The following ADCY3 variants were observed in gnomAD, a reference collection of about 807,000 sequenced individuals.
The protein encoded by ADCY3 is adenylate cyclase 3, also known as adenylate cyclase type 3.
A neutral mutation model predicts 119.4 loss-of-function variants in ADCY3; 70 were observed. That is an observed-to-expected ratio of 0.59 (90% CI 0.48 to 0.72). The LOEUF is 0.72. Ranked by LOEUF, ADCY3 falls within the 30% of genes least tolerant of loss-of-function variation. The pLI is 0.00. For synonymous variants in ADCY3, 672 were observed against 621.4 expected (o/e 1.08, Z -1.21); for missense variants, 1,238 against 1,541.6 (o/e 0.80, Z 3.30).
At chr2:24,889,255 T>C (rs1368889317) in intron 2 of ADCY3, among the ~76,000 whole-genome samples, 1 of 152,208 alleles carries the variant, frequency 6.6e-6, no homozygotes, top group African/African-American at 2.4e-5. Flanking sequence ...TCTTTCTGTA[T>C]TTGAAGCAAG....
intron 2 of ADCY3, among the ~76,000 whole-genome samples, chr2:24,910,293 C>T (rs1663425806): frequency 6.6e-6 from 1 of 152,182 alleles, no homozygotes; most frequent in South Asian, 2.1e-4. Flanking sequence ...GCATCCGGGG[C>T]TCATAATCCT....
chr2:24,836,174 A>G (rs889773498), intron 9 of ADCY3, among the ~76,000 whole-genome samples: 5 of 152,200 alleles, frequency 3.3e-5, no homozygotes, highest in Admixed American at 6.5e-5. Flanking sequence ...CCTCCTTGCT[A>G]GTGAGTGCCC....
chr2:24,850,096 C>G (rs1413498005), intron 3 of ADCY3, among the ~76,000 whole-genome samples: 1 of 152,032 alleles, frequency 6.6e-6, no homozygotes, highest in African/African-American at 2.4e-5. Context: ...TTCCTCCCTC[C>G]CCACACCTTC....
chr2:24,911,476 G>A (rs565788514), intron 2 of ADCY3, among the ~76,000 whole-genome samples: 4 of 151,282 alleles, frequency 2.6e-5, no homozygotes, highest in Admixed American at 2.0e-4. Flanking sequence ...GTGAAAACCT[G>A]TCTCTACTAA....
intron 2 of ADCY3, among the ~76,000 whole-genome samples, chr2:24,882,349 C>T (rs1039519849): frequency 6.6e-6 from 1 of 152,170 alleles, no homozygotes; most frequent in African/African-American, 2.4e-5. Flanking sequence ...AGTTGGTGAG[C>T]CCTTAAAGTA....
intron 2 of ADCY3, among the ~76,000 whole-genome samples, chr2:24,893,576 T>C (rs867387173): frequency 2.8e-4 from 43 of 151,102 alleles, no homozygotes; most frequent in African/African-American, 9.8e-4. Context: ...TGGTTCTTGC[T>C]TTGTTATCCA....
At chr2:24,820,649 C>A in intron 21 of ADCY3, 75 bp downstream of exon 21, 1 of 1,588,402 alleles carries the variant, frequency 6.3e-7, no homozygotes, top group Non-Finnish European at 8.6e-7. Flanking sequence ...GAGGCAGGGG[C>A]ACGTGGGAAA....
intron 17 of ADCY3, among the ~76,000 whole-genome samples, chr2:24,823,830 G>A (rs1012354150): frequency 6.6e-6 from 1 of 151,830 alleles, no homozygotes; most frequent in African/African-American, 2.4e-5. Flanking sequence ...TAGCTGGGAC[G>A]ACAGGTGTGC....
Position 24,906,332 on chromosome 2 carries a change from A to T in ADCY3, c.675+11981T>A, listed in dbSNP as rs140254778. Among the ~76,000 whole-genome samples, 580 of 152,200 alleles carry T rather than the reference A, an allele frequency of 3.8e-3. 4 individuals are homozygous for T. The highest frequency in any genetic ancestry group is 0.013 in the African/African-American group (550 of 41,526). On this transcript the variant is annotated intron_variant, in intron 2 of 21. Transcript: ENST00000679454. The stretch of plus-strand genomic sequence containing the variant: ...AAAAAAATAAAAAGAACCACCCTAG[A>T]TTGGGCTCTTCATGGAAATAAAGAG...
intron 2 of ADCY3, among the ~76,000 whole-genome samples, chr2:24,913,775 G>A (rs1007957586): frequency 3.9e-5 from 6 of 152,188 alleles, no homozygotes; most frequent in Admixed American, 1.3e-4. Context: ...ATTTGCAGGT[G>A]TGAAAGAAAC....
intron 13 of ADCY3, among the ~76,000 whole-genome samples, chr2:24,829,380 A>C (rs1669106455): frequency 6.8e-6 from 1 of 147,288 alleles, no homozygotes; most frequent in African/African-American, 2.5e-5. Flanking sequence ...TGGCAGAATA[A>C]GTCTCCATGT....
intron 20 of ADCY3, chr2:24,821,053 C>T (rs533356189): frequency 3.2e-5 from 21 of 653,500 alleles, no homozygotes; most frequent in Non-Finnish European, 4.7e-5. Flanking sequence ...CGCCACCCCC[C>T]CCCCATATGC....
At chr2:24,828,212 G>T (rs759381730) in intron 13 of ADCY3, 51 bp from the exon 14 acceptor site, 2 of 1,599,596 alleles carry the variant, frequency 1.3e-6, no homozygotes, top group Non-Finnish European at 1.7e-6. Flanking sequence ...AACAGCAGGT[G>T]CTGGTCACAG....
chr2:24,903,729 G>A (rs1361155139), intron 2 of ADCY3, among the ~76,000 whole-genome samples: 1 of 152,168 alleles, frequency 6.6e-6, no homozygotes, highest in Non-Finnish European at 1.5e-5. Context: ...GGGTGCGGGG[G>A]CACCATGGCA....
intron 2 of ADCY3, among the ~76,000 whole-genome samples, chr2:24,890,371 T>C (rs1395408543): frequency 1.3e-5 from 2 of 152,214 alleles, no homozygotes; most frequent in African/African-American, 4.8e-5. Flanking sequence ...CCTCTTCTAC[T>C]TTCTGATAAA....
Position 24,918,254 on chromosome 2 carries a change from C to T in ADCY3, c.675+59G>A. 6.7e-7 allele frequency: 1 copy of T among 1,503,076 alleles called. No individual in the cohort carries two copies. Among genetic ancestry groups the T allele is most frequent in the South Asian group, 1.4e-5 (1 of 73,860 alleles). The allele number at this position is 1,503,076 out of a possible 1,614,324, so 93.1% of individuals were successfully genotyped here. The stretch of plus-strand genomic sequence containing the variant: ...AAAGCAAACAGCAACTCCAACAGGT[C>T]CCAAGTTGGTGAGAGCTGCAGGAGA... On this transcript the variant is annotated intron_variant, in intron 2 of 21. Coordinates refer to ENST00000679454, the MANE Select transcript of ADCY3 (RefSeq NM_004036.5). The surrounding 1 kb of genome is among the most constrained non-coding windows in gnomAD (Gnocchi z 5.4).
At chr2:24,914,536 G>T (rs770857618) in intron 2 of ADCY3, among the ~76,000 whole-genome samples, 2 of 152,082 alleles carry the variant, frequency 1.3e-5, no homozygotes, top group African/African-American at 4.8e-5. Flanking sequence ...TTAGCCAGAC[G>T]TGGTGGCGGC....
At chr2:24,895,934 T>C (rs1180907335) in intron 2 of ADCY3, among the ~76,000 whole-genome samples, 1 of 152,244 alleles carries the variant, frequency 6.6e-6, no homozygotes, top group East Asian at 1.9e-4. Context: ...AATCTACTAT[T>C]AATCCTATCT....
rs112271851 is a variant in ADCY3 at position 24,856,535 on chromosome 2, G to A, written c.826-14151C>T. 6.7e-3 allele frequency among the ~76,000 whole-genome samples: 1,017 copies of A among 152,314 alleles called. 5 individuals carry two copies. The highest frequency in any genetic ancestry group is 0.023 in the African/African-American group (962 of 41,564). ...GACTACCTAAGCAGAGGGGGCTGTGGGAGGCAGGGAATGGAGAGAAGGACC... is the reference window on the plus strand; with the variant it reads ...GACTACCTAAGCAGAGGGGGCTGTGAGAGGCAGGGAATGGAGAGAAGGACC... On this transcript the variant is annotated intron_variant, in intron 3 of 21. Transcript: ENST00000679454.
Sources: allele counts gnomAD v4.1 joint callset (sites outside exome capture counted in the v4.1 genomes callset), GRCh38; gene constraint gnomAD v4.1.1; non-coding constraint Gnocchi (gnomAD v3.1); transcripts MANE v1.5; gene names NCBI Gene and HGNC (gene_info 2026-07-23, HGNC 2026-07-21).